ASTN2: variants seen among roughly 807,000 people sequenced by gnomAD.
ASTN2 encodes astrotactin-2.
In ASTN2, 54 loss-of-function variants were observed where a neutral mutation model predicts 139.8. That is an observed-to-expected ratio of 0.39 (90% confidence interval 0.31 to 0.48). The LOEUF (loss-of-function observed/expected upper bound fraction) is 0.48, where lower values mean the gene tolerates loss of function less well. Among genes scored for constraint, ASTN2 ranks in the 20% least tolerant of loss-of-function variants. The pLI, the probability that ASTN2 is intolerant of heterozygous loss-of-function variation, is 0.95. For synonymous variants in ASTN2, 756 were observed against 719.5 expected, an observed-to-expected ratio of 1.05 and a Z score of -0.81; for missense variants, 1,565 against 1,725.1, an observed-to-expected ratio of 0.91 and a Z score of 1.64.
intron 3 of ASTN2, among the ~76,000 whole-genome samples, chr9:117,158,349 A>G (rs73657679): frequency 0.025 from 3,842 of 152,140 alleles, 156 homozygotes; most frequent in African/African-American, 0.082. Context: ...TTAGATATGA[A>G]TTGGAGGAGA....
intron 4 of ASTN2, among the ~76,000 whole-genome samples, chr9:117,120,944 A>C (rs1381608530): frequency 6.6e-6 from 1 of 152,178 alleles, no homozygotes; most frequent in Non-Finnish European, 1.5e-5. Flanking sequence ...ACTCAAACAA[A>C]TTGTAGGCCC....
chr9:116,616,668 G>A (rs1855870605), intron 19 of ASTN2, among the ~76,000 whole-genome samples: 1 of 152,124 alleles, frequency 6.6e-6, no homozygotes, highest in Non-Finnish European at 1.5e-5. Context: ...TGATAGAGAT[G>A]TGAAGCGTTA....
intron 19 of ASTN2, among the ~76,000 whole-genome samples, chr9:116,491,334 A>C (rs1409254609): frequency 6.6e-6 from 1 of 152,242 alleles, no homozygotes; most frequent in Non-Finnish European, 1.5e-5. Flanking sequence ...TTGCAGTTAA[A>C]AAGGAAGATA....
intron 16 of ASTN2, among the ~76,000 whole-genome samples, chr9:116,652,776 C>G (rs927427779): frequency 6.6e-6 from 1 of 152,188 alleles, no homozygotes; most frequent in African/African-American, 2.4e-5. Context: ...TTACCTGTTT[C>G]CTTGTTCACA....
intron 11 of ASTN2, among the ~76,000 whole-genome samples, chr9:116,849,589 C>T (rs900631611): frequency 6.6e-6 from 1 of 152,156 alleles, no homozygotes; most frequent in African/African-American, 2.4e-5. Flanking sequence ...TGTCTCATTA[C>T]AGAGGAAGGG....
chr9:116,473,516 A>G (rs1338821799), intron 20 of ASTN2, among the ~76,000 whole-genome samples: 1 of 152,202 alleles, frequency 6.6e-6, no homozygotes, highest in Non-Finnish European at 1.5e-5. Flanking sequence ...ATGCTCAGGA[A>G]CAGAAAAACG....
intron 16 of ASTN2, among the ~76,000 whole-genome samples, chr9:116,675,548 C>T (rs905703061): frequency 2.6e-5 from 4 of 152,044 alleles, no homozygotes; most frequent in Non-Finnish European, 4.4e-5. Context: ...AGGAGGATTT[C>T]GAGGAGGATT....
chr9:117,387,943 G>A (rs941646906), intron 1 of ASTN2, among the ~76,000 whole-genome samples: 3 of 152,276 alleles, frequency 2.0e-5, no homozygotes, highest in East Asian at 1.9e-4. Context: ...GGGCCCTGGA[G>A]ATCATAGAGC....
At chr9:117,285,446 A>C (rs1349481110) in intron 2 of ASTN2, among the ~76,000 whole-genome samples, 2 of 152,224 alleles carry the variant, frequency 1.3e-5, no homozygotes, top group African/African-American at 4.8e-5. Context: ...ATATAAAGCC[A>C]TCTTTTACAG....
chr9:117,176,073 G>T, intron 3 of ASTN2, among the ~76,000 whole-genome samples: 1 of 151,496 alleles, frequency 6.6e-6, no homozygotes, highest in Middle Eastern at 3.5e-3. Flanking sequence ...ATATAATCAG[G>T]ATTGAAAAAG....
intron 20 of ASTN2, among the ~76,000 whole-genome samples, chr9:116,466,349 C>A (rs1367172694): frequency 6.6e-6 from 1 of 152,176 alleles, no homozygotes; most frequent in Non-Finnish European, 1.5e-5. Context: ...GCCAGTCCAG[C>A]CACCTTCTCT....
At chr9:116,495,796 C>G (rs944535682) in intron 19 of ASTN2, among the ~76,000 whole-genome samples, 1 of 152,142 alleles carries the variant, frequency 6.6e-6, no homozygotes, top group Non-Finnish European at 1.5e-5. Flanking sequence ...AAAACGCTGC[C>G]TAGGGTGAGG....
At chr9:116,762,435 G>A (rs898272838) in intron 13 of ASTN2, among the ~76,000 whole-genome samples, 1 of 152,174 alleles carries the variant, frequency 6.6e-6, no homozygotes, top group East Asian at 1.9e-4. Flanking sequence ...TAAATGCTTA[G>A]CAACTTGAAG....
chr9:116,830,165 G>C (rs979107742), intron 11 of ASTN2, among the ~76,000 whole-genome samples: 3 of 152,114 alleles, frequency 2.0e-5, no homozygotes, highest in Non-Finnish European at 4.4e-5. Flanking sequence ...TTAAAAATTG[G>C]GCAAAAGACA....
intron 13 of ASTN2, among the ~76,000 whole-genome samples, chr9:116,792,842 C>A (rs563183165): frequency 6.6e-6 from 1 of 152,100 alleles, no homozygotes; most frequent in Non-Finnish European, 1.5e-5. Flanking sequence ...CTAGGCAGCT[C>A]GTGTTTCCAT....
chr9:116,878,707 A>AT (rs1205104691), intron 10 of ASTN2, among the ~76,000 whole-genome samples: 1 of 151,618 alleles, frequency 6.6e-6, no homozygotes, highest in African/African-American at 2.4e-5. Flanking sequence ...ACTTAAACTT[A>AT]TTTTTTTAAA....
rs111712973 is a variant in ASTN2 at position 116,703,048 on chromosome 9, C to T, written c.2806+22723G>A. ...TTCTAGTTCTAGATCCCTGAGGAAT[C>T]GCCACACTGACTTCCACAATGGTTG... On this transcript the variant is annotated intron_variant, in intron 16 of 22. Transcript: ENST00000313400. Among the ~76,000 whole-genome samples the T allele has an allele frequency of 7.0e-3, 1,070 of 151,878 alleles. 19 individuals carry two copies. The highest frequency in any genetic ancestry group is 0.025 in the African/African-American group (1,024 of 41,398).
At chr9:116,859,059 T>C (rs10983383) in intron 11 of ASTN2, among the ~76,000 whole-genome samples, 2 of 152,324 alleles carry the variant, frequency 1.3e-5, no homozygotes, top group East Asian at 3.9e-4. Flanking sequence ...ACACCACTTC[T>C]CTTCCTTAGC....
intron 12 of ASTN2, among the ~76,000 whole-genome samples, chr9:116,818,989 G>T (rs1831410511): frequency 6.6e-6 from 1 of 152,130 alleles, no homozygotes; most frequent in Admixed American, 6.5e-5. Flanking sequence ...ATTAAGGTAG[G>T]TATTAAAATT....
Sources: allele counts gnomAD v4.1 joint callset (sites outside exome capture counted in the v4.1 genomes callset), GRCh38; gene constraint gnomAD v4.1.1; transcripts MANE v1.5; gene names NCBI Gene and HGNC (gene_info 2026-07-23, HGNC 2026-07-21).